UGT1A9: variants seen among roughly 807,000 people sequenced by gnomAD.
UGT1A9 encodes UDP glucuronosyltransferase family 1 member A9, also known as UDP-glucuronosyltransferase 1A9.
In UGT1A9, 35 loss-of-function variants were observed where a neutral mutation model predicts 45.0. The observed-to-expected ratio is 0.78, with a 90% CI of 0.59 to 1.03. The LOEUF is 1.03. Ranked by LOEUF, UGT1A9 falls within the 50% of genes least tolerant of loss-of-function variation. UGT1A9 has a pLI of 0.00. For synonymous variants in UGT1A9, 278 were observed against 250.6 expected (o/e 1.11, Z -1.03); for missense variants, 687 against 666.6 (o/e 1.03, Z -0.34).
intron 1 of UGT1A9, chr2:233,753,144 A>G (rs1203903017): frequency 6.6e-6 from 1 of 152,210 alleles, no homozygotes; most frequent in Non-Finnish European, 1.5e-5. Context: ...ATCTTCACAC[A>G]TGTAAGTTCC....
chr2:233,724,959 G>A (rs563380533), intron 1 of UGT1A9, among the ~76,000 whole-genome samples: 3 of 142,486 alleles, frequency 2.1e-5, no homozygotes, highest in African/African-American at 8.2e-5. Context: ...CACCTCGGGA[G>A]GCCGAGGTTG....
Position 233,760,349 on chromosome 2 carries a change from G to C in UGT1A9, c.856-6685G>C. On this transcript the variant is annotated intron_variant, in intron 1 of 4. Coordinates refer to ENST00000354728, the MANE Select transcript of UGT1A9 (RefSeq NM_021027.3). ...CTGGGCCTGCTGCTGTGTGTGCTGG[G>C]CCCAGTGGTGTCCCATGCTGGGAAG... is the stretch of plus-strand genomic sequence containing the variant. 4 of 1,614,050 alleles carry C rather than the reference G, an allele frequency of 2.5e-6. No homozygotes were observed. The Middle Eastern group carries it at 5.0e-4, about 200-fold the overall frequency.
At chr2:233,727,345 T>A (rs2077607962) in intron 1 of UGT1A9, among the ~76,000 whole-genome samples, 1 of 152,184 alleles carries the variant, frequency 6.6e-6, no homozygotes, top group Non-Finnish European at 1.5e-5. Flanking sequence ...CTCCCCATAG[T>A]TCTGCTATCC....
At chr2:233,768,134 C>CT (rs1360779750) in intron 3 of UGT1A9, 86 bp from the exon 4 acceptor site, 2 of 1,607,930 alleles carry the variant, frequency 1.2e-6, no homozygotes, top group African/African-American at 2.7e-5. Flanking sequence ...AACACTGAGT[C>CT]TTTGGAGTGT....
At chr2:233,711,765 G>A (rs539834648) in intron 1 of UGT1A9, among the ~76,000 whole-genome samples, 1 of 152,368 alleles carries the variant, frequency 6.6e-6, no homozygotes, top group South Asian at 2.1e-4. Flanking sequence ...CACAGAGGAA[G>A]TGAGATAGAA....
At chr2:233,697,174 G>A (rs181494492) in intron 1 of UGT1A9, among the ~76,000 whole-genome samples, 191 of 152,138 alleles carry the variant, frequency 1.3e-3, no homozygotes, top group African/African-American at 4.5e-3. Flanking sequence ...TTTAAAAATG[G>A]TTGGTAGAAT....
At chr2:233,677,536 A>G (rs941707495) in intron 1 of UGT1A9, among the ~76,000 whole-genome samples, 1 of 152,206 alleles carries the variant, frequency 6.6e-6, no homozygotes, top group African/African-American at 2.4e-5. Context: ...AGCTAGCTAG[A>G]GAAAAGAAAA....
At chr2:233,753,022 A>G (rs1695114886) in intron 1 of UGT1A9, among the ~76,000 whole-genome samples, 1 of 152,162 alleles carries the variant, frequency 6.6e-6, no homozygotes, top group South Asian at 2.1e-4. Context: ...GTGATTTACA[A>G]CACAAAAAAC....
intron 1 of UGT1A9, among the ~76,000 whole-genome samples, chr2:233,731,166 GA>G (rs1244756545): frequency 7.9e-5 from 12 of 151,866 alleles, no homozygotes; most frequent in Admixed American, 3.3e-4. Flanking sequence ...CAAACGACAT[GA>G]TTTTTTTATG....
intron 1 of UGT1A9, chr2:233,693,895 T>C (rs1472184778): frequency 1.2e-6 from 2 of 1,613,784 alleles, no homozygotes; most frequent in South Asian, 2.2e-5. Flanking sequence ...TTGGACTGCC[T>C]TGTTTCTTCC....
intron 1 of UGT1A9, among the ~76,000 whole-genome samples, chr2:233,725,678 A>C (rs28899189): frequency 0.068 from 10,401 of 152,238 alleles, 505 homozygotes; most frequent in East Asian, 0.2. Flanking sequence ...GTCACATTTC[A>C]AGTGCTCAAT....
chr2:233,686,424 C>T (rs140951081), intron 1 of UGT1A9, among the ~76,000 whole-genome samples: 8 of 152,224 alleles, frequency 5.3e-5, no homozygotes, highest in African/African-American at 1.4e-4. Flanking sequence ...GATAAACACA[C>T]GCATGCTTGA....
At chr2:233,702,439 G>A (rs1026560419) in intron 1 of UGT1A9, among the ~76,000 whole-genome samples, 9 of 151,954 alleles carry the variant, frequency 5.9e-5, no homozygotes, top group African/African-American at 1.9e-4. Flanking sequence ...TTTCTAATAA[G>A]GATAACATTT....
intron 1 of UGT1A9, among the ~76,000 whole-genome samples, chr2:233,732,521 T>C (rs2078280152): frequency 6.6e-6 from 1 of 152,252 alleles, no homozygotes; most frequent in South Asian, 2.1e-4. Flanking sequence ...TCCAGCTTTC[T>C]ACATATGGCC....
At chr2:233,688,425 CTA>C (rs2074893885) in intron 1 of UGT1A9, among the ~76,000 whole-genome samples, 1 of 152,216 alleles carries the variant, frequency 6.6e-6, no homozygotes, top group Non-Finnish European at 1.5e-5. Context: ...TGCCTAACCT[CTA>C]TACCTGACTG....
At chr2:233,684,863 G>A (rs1161167563) in intron 1 of UGT1A9, among the ~76,000 whole-genome samples, 1 of 152,146 alleles carries the variant, frequency 6.6e-6, no homozygotes, top group Non-Finnish European at 1.5e-5. Flanking sequence ...TTCCTTTCTT[G>A]TTTCATATGG....
At position 233,714,761 on chromosome 2, in the gene UGT1A9, T is replaced by C. The variant is rs545127473; in HGVS notation, c.855+41972T>C. Among the ~76,000 whole-genome samples, 4 of 152,384 alleles carry C rather than the reference T, an allele frequency of 2.6e-5. No homozygotes were observed. The East Asian group carries it at 7.7e-4, about 29-fold the overall frequency. ...TCTAGCATATATTTGACACTTACAG[T>C]ATATCTCAATTTGGAATAGCCACAT... On this transcript the variant is annotated intron_variant, in intron 1 of 4. Coordinates refer to ENST00000354728, the MANE Select transcript of UGT1A9 (RefSeq NM_021027.3).
rs1350270227 is a variant in UGT1A9 at position 233,745,087 on chromosome 2, TC to T, written c.856-21941del. On this transcript the variant is annotated intron_variant, in intron 1 of 4. Transcript: ENST00000354728. Reference sequence around the variant, plus strand: ...ATTTGTATTGTTTTTTCATTGCTCTTCCCCCCAAATATTTTTAATCTGCTGT... The same window carrying T: ...ATTTGTATTGTTTTTTCATTGCTCTTCCCCCAAATATTTTTAATCTGCTGT... 1.1e-4 allele frequency among the ~76,000 whole-genome samples: 17 copies of T among 151,820 alleles called. 1 individual carries two copies. Among genetic ancestry groups the T allele is most frequent in the African/African-American group, 4.1e-4 (17 of 41,100 alleles).
intron 1 of UGT1A9, chr2:233,760,398 C>T (rs1018382617): frequency 6.2e-7 from 1 of 1,614,186 alleles, no homozygotes; most frequent in Non-Finnish European, 8.5e-7. Flanking sequence ...CAGTGGATGG[C>T]AGCCACTGGC....
Sources: allele counts gnomAD v4.1 joint callset (sites outside exome capture counted in the v4.1 genomes callset), GRCh38; gene constraint gnomAD v4.1.1; transcripts MANE v1.5; gene names NCBI Gene and HGNC (gene_info 2026-07-23, HGNC 2026-07-21).